Variants in BTBD10 observed in about 807,000 individuals in gnomAD.
BTBD10 encodes the protein BTB/POZ domain-containing protein 10.
In BTBD10, 21 loss-of-function variants were observed where a neutral mutation model predicts 53.2. The observed-to-expected ratio is 0.39, with a 90% CI of 0.28 to 0.57. The LOEUF is 0.57. Ranked by LOEUF, BTBD10 falls within the 20% of genes least tolerant of loss-of-function variation. The probability of loss-of-function intolerance (pLI) is 0.53; values close to 1 mark genes in which losing one functional copy is unlikely to be tolerated. For synonymous variants in BTBD10, 149 were observed against 192.7 expected (o/e 0.77, Z 1.88); for missense variants, 360 against 594.7 (o/e 0.61, Z 4.10).
intron 8 of BTBD10, among the ~76,000 whole-genome samples, chr11:13,399,183 C>T (rs939412369): frequency 6.6e-6 from 1 of 152,224 alleles, no homozygotes; most frequent in African/African-American, 2.4e-5. Context: ...TTCAGGTACA[C>T]CAATGAGACG....
intron 4 of BTBD10, among the ~76,000 whole-genome samples, chr11:13,418,590 A>T (rs1453720965): frequency 6.6e-6 from 1 of 152,120 alleles, no homozygotes; most frequent in Non-Finnish European, 1.5e-5. Context: ...TATAAAGCAT[A>T]GTGTCAATGT....
intron 1 of BTBD10, among the ~76,000 whole-genome samples, chr11:13,453,495 G>A (rs1950905020): frequency 6.6e-6 from 1 of 152,122 alleles, no homozygotes; most frequent in Non-Finnish European, 1.5e-5. Flanking sequence ...TAATATTGAG[G>A]AAGGTTTATT....
chr11:13,454,738 A>T (rs980091365), intron 1 of BTBD10, among the ~76,000 whole-genome samples: 5 of 150,538 alleles, frequency 3.3e-5, no homozygotes, highest in African/African-American at 1.2e-4. Context: ...AAAGATTTTT[A>T]AAAATAAAAT....
At chr11:13,428,205 A>G (rs1950379940) in intron 2 of BTBD10, among the ~76,000 whole-genome samples, 2 of 152,114 alleles carry the variant, frequency 1.3e-5, no homozygotes, top group African/African-American at 4.8e-5. Context: ...AAATTCAACA[A>G]CTCAGAATGG....
intron 2 of BTBD10, among the ~76,000 whole-genome samples, chr11:13,428,895 C>T (rs1027244385): frequency 6.6e-5 from 10 of 152,050 alleles, no homozygotes; most frequent in Non-Finnish European, 1.3e-4. Context: ...AAAAAGGTTA[C>T]TAGAACCAAT....
chr11:13,400,996 T>C (rs185454268), intron 8 of BTBD10, among the ~76,000 whole-genome samples: 4 of 152,236 alleles, frequency 2.6e-5, no homozygotes, highest in African/African-American at 7.2e-5. Flanking sequence ...AAAAGGAAAT[T>C]TGGGGAGACC....
intron 2 of BTBD10, among the ~76,000 whole-genome samples, chr11:13,422,292 T>C (rs1187297206): frequency 6.6e-6 from 1 of 152,194 alleles, no homozygotes; most frequent in African/African-American, 2.4e-5. Context: ...CTAACTTCAA[T>C]CAACCAACTT....
intron 1 of BTBD10, among the ~76,000 whole-genome samples, chr11:13,458,028 G>A (rs1951007842): frequency 6.6e-6 from 1 of 151,358 alleles, no homozygotes; most frequent in Non-Finnish European, 1.5e-5. Context: ...CAAGCTGAGT[G>A]TGGCGGTATG....
intron 8 of BTBD10, among the ~76,000 whole-genome samples, chr11:13,399,490 G>A (rs1321078672): frequency 6.6e-6 from 1 of 152,032 alleles, no homozygotes; most frequent in African/African-American, 2.4e-5. Context: ...CCATTGGATT[G>A]AACTTCCTCC....
chr11:13,416,718 T>C (rs891882913), intron 5 of BTBD10, among the ~76,000 whole-genome samples: 1 of 152,182 alleles, frequency 6.6e-6, no homozygotes, highest in African/African-American at 2.4e-5. Context: ...GCTCAATGCC[T>C]ATAATCCCAG....
At chr11:13,441,961 G>A (rs912535461) in intron 2 of BTBD10, among the ~76,000 whole-genome samples, 1 of 152,068 alleles carries the variant, frequency 6.6e-6, no homozygotes, top group Non-Finnish European at 1.5e-5. Context: ...TTAATTTCCT[G>A]ATATAAATGA....
At chr11:13,462,588 T>A (rs750764319) in intron 1 of BTBD10, 2 of 152,224 alleles carry the variant, frequency 1.3e-5, no homozygotes, top group African/African-American at 2.4e-5. Flanking sequence ...ATCAGAACCT[T>A]TTCCGTGCAA....
chr11:13,459,048 T>C (rs1487540649), intron 1 of BTBD10, among the ~76,000 whole-genome samples: 1 of 122,346 alleles, frequency 8.2e-6, no homozygotes, highest in Non-Finnish European at 1.7e-5. Flanking sequence ...ATTTATTTTT[T>C]TATTTATTTA....
At chr11:13,447,119 C>T (rs1950762838) in intron 1 of BTBD10, among the ~76,000 whole-genome samples, 1 of 152,012 alleles carries the variant, frequency 6.6e-6, no homozygotes, top group Non-Finnish European at 1.5e-5. Flanking sequence ...ACCTTTCTTT[C>T]TCTTCTTTTC....
intron 8 of BTBD10, among the ~76,000 whole-genome samples, chr11:13,398,465 C>T (rs1271622957): frequency 1.3e-5 from 2 of 151,908 alleles, no homozygotes; most frequent in Admixed American, 6.6e-5. Context: ...CTCCTGAATA[C>T]AGCACACTGA....
chr11:13,391,953 A>C (rs1949418778), intron 8 of BTBD10, among the ~76,000 whole-genome samples: 1 of 152,318 alleles, frequency 6.6e-6, no homozygotes, highest in Admixed American at 6.5e-5. Flanking sequence ...ATAGATGGAT[A>C]AATAGATAGA....
chr11:13,420,987 T>A (rs1950231426), intron 3 of BTBD10, among the ~76,000 whole-genome samples: 1 of 152,154 alleles, frequency 6.6e-6, no homozygotes, highest in African/African-American at 2.4e-5. Context: ...CAACAGATTA[T>A]CAGAAACTAT....
At chr11:13,443,153 C>T (rs1459925943) in intron 2 of BTBD10, among the ~76,000 whole-genome samples, 1 of 151,724 alleles carries the variant, frequency 6.6e-6, no homozygotes, top group East Asian at 1.9e-4. Flanking sequence ...ACTCCAGAGG[C>T]TGAGGAGGGA....
At chr11:13,418,527 CT>C (rs968838086) in intron 4 of BTBD10, among the ~76,000 whole-genome samples, 7 of 151,920 alleles carry the variant, frequency 4.6e-5, no homozygotes, top group Non-Finnish European at 1.0e-4. Context: ...TAATCCTCCC[CT>C]ATAATACTAA....
Sources: gnomAD v4.1 joint callset for allele counts (sites outside exome capture counted in the v4.1 genomes callset) on GRCh38, gnomAD v4.1.1 for gene constraint, MANE v1.5 for transcripts, NCBI Gene and HGNC (gene_info 2026-07-23, HGNC 2026-07-21) for gene names.